MASP2: variants seen among roughly 807,000 people sequenced by gnomAD.
The protein encoded by MASP2 is mannan-binding lectin serine protease 2.
In MASP2, 49 loss-of-function variants were observed where a neutral mutation model predicts 57.1. That is an observed-to-expected ratio of 0.86 (90% CI 0.68 to 1.09). The LOEUF is 1.09. Ranked by LOEUF, MASP2 falls within the 50% of genes least tolerant of loss-of-function variation. MASP2 has a pLI of 0.00. For missense variants in MASP2, 900 were observed against 874.8 expected, an observed-to-expected ratio of 1.03 and a Z score of -0.36; for synonymous variants, 379 against 340.8, an observed-to-expected ratio of 1.11 and a Z score of -1.24.
Position 11,027,381 on chromosome 1 carries a change from C to A in MASP2, c.1565G>T (p.Gly522Val). 6.2e-7 allele frequency: 1 copy of A among 1,614,132 alleles called. No individual in the cohort carries two copies. The highest frequency in any genetic ancestry group is 8.5e-7 in the Non-Finnish European group (1 of 1,180,034). Residue 522 changes from glycine (G) to valine (V), a missense_variant, in exon 11 of 11, where the codon GGT becomes GTT. By Grantham distance (109) the Gly-to-Val change is moderately radical. Coordinates refer to ENST00000400897, the MANE Select transcript of MASP2 (RefSeq NM_006610.4). ...AWSEAVFIHE[G>V]YTHDAGFDND... ...GTCAAAGCCAGCATCATGAGTATAA[C>A]CTTCATGTATAAAAACAGCTTCAGA...
chr1:11,035,431 G>A (rs908664500), intron 7 of MASP2, among the ~76,000 whole-genome samples: 3 of 152,070 alleles, frequency 2.0e-5, no homozygotes, highest in Admixed American at 2.0e-4. Flanking sequence ...GGAGGTTGAG[G>A]CAGGAGAATT....
At chr1:11,034,261 A>G (rs1460001349) in intron 8 of MASP2, among the ~76,000 whole-genome samples, 2 of 148,020 alleles carry the variant, frequency 1.4e-5, no homozygotes, top group South Asian at 2.1e-4. Context: ...AAAAAAAAAA[A>G]ACCTTGTCAA....
intron 6 of MASP2, among the ~76,000 whole-genome samples, chr1:11,041,667 ATG>A: frequency 6.7e-6 from 1 of 149,088 alleles, no homozygotes; most frequent in Non-Finnish European, 1.5e-5. Context: ...GGATGAGTGA[ATG>A]GATAGATGGA....
Position 11,027,185 on chromosome 1 carries a change from A to G in MASP2, c.1761T>C (p.Tyr587=), listed in dbSNP as rs1557664227. ...QRGFLARNLM[Y]VDIPIVDHQK... is the part of the protein sequence containing the mutation. ...GATGGTCAACAATCGGTATGTCGAC[A>G]TACATTAGATTTCTAGCAAGAAAAC... Residue 587 remains tyrosine (Y), a synonymous_variant, in exon 11 of 11, where the codon TAT becomes TAC. Transcript: ENST00000400897. The G allele has an allele frequency of 1.2e-6, 2 of 1,614,208 alleles. No individual in the cohort carries two copies. Among genetic ancestry groups the G allele is most frequent in the Non-Finnish European group, 1.7e-6 (2 of 1,180,040 alleles).
rs1183418878 is a variant in MASP2 at position 11,034,911 on chromosome 1, A to G, written c.1009-5T>C. 6.3e-7 allele frequency: 1 copy of G among 1,589,292 alleles called. No individual in the cohort carries two copies. Among genetic ancestry groups the G allele is most frequent in the South Asian group, 1.1e-5 (1 of 89,800 alleles). On this transcript the variant is annotated splice_polypyrimidine_tract_variant and splice_region_variant and intron_variant, in intron 7 of 10. Coordinates refer to ENST00000400897, the MANE Select transcript of MASP2 (RefSeq NM_006610.4). The stretch of plus-strand genomic sequence containing the variant: ...GGATTTCAGGGGCAAGTGACCCTAA[A>G]GAAGAATTCAGAATATATTAATTTC...
intron 4 of MASP2, among the ~76,000 whole-genome samples, chr1:11,044,051 C>T (rs1396114394): frequency 6.6e-6 from 1 of 152,146 alleles, no homozygotes; most frequent in Non-Finnish European, 1.5e-5. Flanking sequence ...TCCCTTACAG[C>T]CACCCCAGTG....
intron 4 of MASP2, among the ~76,000 whole-genome samples, chr1:11,043,750 A>AG (rs1412971857): frequency 6.6e-6 from 1 of 151,942 alleles, no homozygotes; most frequent in Non-Finnish European, 1.5e-5. Context: ...CCGCTTAGAG[A>AG]GGGGGTTTCT....
At chr1:11,033,894 G>C (rs548410905) in intron 8 of MASP2, among the ~76,000 whole-genome samples, 1 of 150,668 alleles carries the variant, frequency 6.6e-6, no homozygotes, top group East Asian at 2.0e-4. Context: ...GATTGTCACC[G>C]CACTCCAGCC....
intron 4 of MASP2, chr1:11,044,761 T>A: frequency 7.6e-7 from 1 of 1,313,614 alleles, no homozygotes; most frequent in Non-Finnish European, 1.0e-6. Flanking sequence ...CCCCGCCGCC[T>A]CCCGACCCTC....
At chr1:11,033,983 TCTCA>T (rs1406492150) in intron 8 of MASP2, among the ~76,000 whole-genome samples, 3 of 140,542 alleles carry the variant, frequency 2.1e-5, no homozygotes, top group South Asian at 2.3e-4. Context: ...TCTCTCTCTC[TCTCA>T]CACACTTTGG....
rs1165334164 is a variant in MASP2, at chr1:11,026,680, T to A, written c.*205A>T. On this transcript the variant is annotated 3_prime_UTR_variant, in exon 11 of 11. Transcript: ENST00000400897. ...CAAAGATGACTGTCACTCTCGTGGT[T>A]TATGTCCCCTTGAGTCAATGGGTAA... 7.5e-6 allele frequency: 3 copies of A among 399,622 alleles called. No homozygotes were observed. The highest frequency in any genetic ancestry group is 1.3e-5 in the Non-Finnish European group (3 of 227,808). 24.8% of individuals were successfully genotyped at this position (399,622 alleles called of 1,614,324 possible).
intron 10 of MASP2, among the ~76,000 whole-genome samples, chr1:11,028,622 A>G (rs1206346105): frequency 6.6e-6 from 1 of 152,132 alleles, no homozygotes; most frequent in African/African-American, 2.4e-5. Context: ...ACGTTGTGTT[A>G]GCCAAATACA....
chr1:11,046,185 G>T, intron 3 of MASP2: 1 of 327,108 alleles, frequency 3.1e-6, no homozygotes, highest in Non-Finnish European at 5.9e-6. Flanking sequence ...GCTAATTTTT[G>T]TAGTTTTAGT....
At chr1:11,030,315 A>G in intron 9 of MASP2, 65 bp from the exon 10 acceptor site, 1 of 1,131,386 alleles carries the variant, frequency 8.8e-7, no homozygotes, top group South Asian at 1.3e-5. Context: ...ATTTGCTTGA[A>G]TACCCCCTTG....
At position 11,046,639 on chromosome 1, in the gene MASP2, C is replaced by A. The variant is rs375414946; in HGVS notation, c.329G>T (p.Gly110Val). 67 of 1,613,490 alleles carry A rather than the reference C, an allele frequency of 4.2e-5. No homozygotes were observed. Among genetic ancestry groups the A allele is most frequent in the Non-Finnish European group, 5.3e-5 (63 of 1,180,026 alleles). The change falls in exon 3 of 11, where the codon GGC (glycine) becomes GTC (valine). Residue 110 changes from glycine to valine, a missense_variant. Transcript: ENST00000400897. ...APGKDTFYSL[G>V]SSLDITFRSD... ...GCGGAAGGTAATGTCCAGGCTGGAG[C>A]CCAGCGAGTAGAAAGTGTCCTTGCC...
intron 8 of MASP2, among the ~76,000 whole-genome samples, chr1:11,034,534 CAAATAATACAA>C (rs1643874349): frequency 6.6e-6 from 1 of 151,488 alleles, no homozygotes; most frequent in Non-Finnish European, 1.5e-5. Context: ...TCTGTCTCTA[CAAATAATACAA>C]AAATTAGCCA....
At chr1:11,037,613 T>G in intron 7 of MASP2, 80 bp downstream of exon 7, 1 of 845,488 alleles carries the variant, frequency 1.2e-6, no homozygotes, top group Admixed American at 2.8e-5. Flanking sequence ...CTCACTTTCC[T>G]TTCACATATC....
chr1:11,046,806 C>A, intron 2 of MASP2, 73 bp from the exon 3 acceptor site: 1 of 1,556,694 alleles, frequency 6.4e-7, no homozygotes, highest in Admixed American at 1.9e-5. Context: ...AGCCTGGCCC[C>A]TGCTCCCAGG....
chr1:11,045,294 C>A, intron 4 of MASP2, 114 bp downstream of exon 4: 1 of 1,502,792 alleles, frequency 6.7e-7, no homozygotes, highest in Non-Finnish European at 9.2e-7. Flanking sequence ...GGCCTAGAAG[C>A]ACCCAGTGTC....
Sources: gnomAD v4.1 joint callset for allele counts (sites outside exome capture counted in the v4.1 genomes callset) on GRCh38, gnomAD v4.1.1 for gene constraint, MANE v1.5 for transcripts, NCBI Gene and HGNC (gene_info 2026-07-23, HGNC 2026-07-21) for gene names.